Variants in ATAD2B observed in about 807,000 individuals in gnomAD.
ATAD2B encodes ATPase family AAA domain containing 2B, also known as ATPase family AAA domain-containing protein 2B.
ATAD2B carries 40 observed loss-of-function variants against 167.6 expected under a neutral mutation model. That is an observed-to-expected ratio of 0.24 (90% CI 0.19 to 0.31). The LOEUF is 0.31. Among genes scored for constraint, ATAD2B ranks in the 10% least tolerant of loss-of-function variants. The pLI is 1.00. For missense variants in ATAD2B, 1,242 were observed against 1,757.2 expected (o/e 0.71, Z 5.24); for synonymous variants, 579 against 596.5 (o/e 0.97, Z 0.43).
chr2:23,819,652 A>G, intron 17 of ATAD2B, 95 bp downstream of exon 17: 1 of 977,194 alleles, frequency 1.0e-6, no homozygotes, highest in Admixed American at 3.5e-5. Flanking sequence ...CAATATCCTC[A>G]CAGTTATAAC....
At chr2:23,922,570 G>A (rs890896142) in intron 1 of ATAD2B, among the ~76,000 whole-genome samples, 1 of 151,988 alleles carries the variant, frequency 6.6e-6, no homozygotes. Context: ...TATCTGATAA[G>A]CAGTTAATTT....
At chr2:23,797,560 A>G (rs1237299144) in intron 19 of ATAD2B, among the ~76,000 whole-genome samples, 1 of 152,142 alleles carries the variant, frequency 6.6e-6, no homozygotes, top group East Asian at 1.9e-4. Flanking sequence ...TAGAAAGCTG[A>G]GTATCCCTTT....
At chr2:23,833,793 ATTAGC>A in intron 14 of ATAD2B, 121 bp downstream of exon 14, 2 of 737,914 alleles carry the variant, frequency 2.7e-6, no homozygotes, top group Non-Finnish European at 4.2e-6. Flanking sequence ...TTTTTAAAGC[ATTAGC>A]TAAGATATCC....
At chr2:23,809,175 G>C (rs566399147) in intron 18 of ATAD2B, 1 of 151,968 alleles carries the variant, frequency 6.6e-6, no homozygotes, top group Non-Finnish European at 1.5e-5. Flanking sequence ...CAGTAATTTT[G>C]TCTAAAAAGA....
At chr2:23,859,041 T>C (rs1301524038) in intron 12 of ATAD2B, among the ~76,000 whole-genome samples, 2 of 152,108 alleles carry the variant, frequency 1.3e-5, no homozygotes, top group Non-Finnish European at 2.9e-5. Flanking sequence ...TATTTGCAAA[T>C]TGCCATCCAC....
chr2:23,785,914 T>C lies in ATAD2B; in HGVS notation c.2973+113A>G. ...TCACATGGATTAAAATTTTATAGGC[T>C]AGGGGTAATATTCATCCATGCCTTT... On this transcript the variant is annotated intron_variant, in intron 21 of 27. Transcript: ENST00000238789. 5 of 902,306 alleles carry C rather than the reference T, an allele frequency of 5.5e-6. No homozygotes were observed. The Admixed American group carries it at 1.5e-4, about 28-fold the overall frequency. 55.9% of individuals were successfully genotyped at this position (902,306 alleles called of 1,614,324 possible). A position where few individuals can be genotyped will look rare whatever the true frequency, so the allele number is the denominator to read the frequency against.
In ATAD2B at chr2:23,882,422, C is replaced by T. The variant is rs564059143; in HGVS notation, c.785-1667G>A. On this transcript the variant is annotated intron_variant, in intron 6 of 27. Coordinates refer to ENST00000238789, the MANE Select transcript of ATAD2B (RefSeq NM_017552.4). ...TGTTGGCCAGCCTGGCCTCAAACGC[C>T]TGATCTCAAGTGATCCACCCGCCTC... Among the ~76,000 whole-genome samples the T allele has an allele frequency of 1.1e-4, 16 of 149,848 alleles. No individual in the cohort carries two copies. In the South Asian group the frequency reaches 3.4e-3, roughly 32 times the overall value.
intron 13 of ATAD2B, among the ~76,000 whole-genome samples, chr2:23,851,691 G>C (rs1692597630): frequency 6.6e-6 from 1 of 152,122 alleles, no homozygotes; most frequent in African/African-American, 2.4e-5. Flanking sequence ...AACATATCAT[G>C]ATGTGGATCC....
chr2:23,925,869 C>G (rs1333710989), intron 1 of ATAD2B, among the ~76,000 whole-genome samples: 1 of 152,192 alleles, frequency 6.6e-6, no homozygotes, highest in African/African-American at 2.4e-5. Context: ...CCACTTGTTT[C>G]TTTCGACGTG....
At chr2:23,897,407 TTCC>T (rs1700281502) in intron 1 of ATAD2B, among the ~76,000 whole-genome samples, 1 of 152,158 alleles carries the variant, frequency 6.6e-6, no homozygotes, top group Admixed American at 6.5e-5. Flanking sequence ...CAATATCCTG[TTCC>T]TCATCAAATC....
chr2:23,740,465 A>G, the ATAD2B span, among the ~76,000 whole-genome samples: 28 of 152,008 alleles, frequency 1.8e-4, 1 homozygote, highest in Admixed American at 2.0e-4. Flanking sequence ...TGATTATCTC[A>G]ATAGATGCAG....
chr2:23,804,756 C>T (rs1459392737), intron 18 of ATAD2B, among the ~76,000 whole-genome samples: 1 of 150,788 alleles, frequency 6.6e-6, no homozygotes, highest in Admixed American at 6.6e-5. Context: ...ACTTAAATAA[C>T]ATTAAACCAG....
intron 1 of ATAD2B, among the ~76,000 whole-genome samples, chr2:23,908,200 G>C (rs1349960769): frequency 6.6e-6 from 1 of 151,986 alleles, no homozygotes; most frequent in Non-Finnish European, 1.5e-5. Context: ...AGAGTGAACA[G>C]GCAACCTACA....
chr2:23,722,249 C>T, the ATAD2B span, among the ~76,000 whole-genome samples: 6 of 151,960 alleles, frequency 3.9e-5, no homozygotes, highest in Non-Finnish European at 2.9e-5. Flanking sequence ...GGAACAGATC[C>T]CAATTATAAG....
At chr2:23,694,599 T>C in the ATAD2B span, among the ~76,000 whole-genome samples, 29 of 152,056 alleles carry the variant, frequency 1.9e-4, no homozygotes, top group Non-Finnish European at 2.9e-5. Context: ...CCCCAGCCTC[T>C]CTCCTCTCAC....
At chr2:23,718,731 C>T in the ATAD2B span, among the ~76,000 whole-genome samples, 1 of 152,328 alleles carries the variant, frequency 6.6e-6, no homozygotes, top group East Asian at 1.9e-4. Context: ...GGAGCTAAAA[C>T]CAAGGTGTTG....
In ATAD2B at chr2:23,909,459, C is replaced by T. The variant is rs183088216; in HGVS notation, c.217-13489G>A. On this transcript the variant is annotated intron_variant, in intron 1 of 27. Transcript: ENST00000238789. ...ACATACATATATATATATACACACACACACACATACATATATATATACATA... is the reference window on the plus strand; with the variant it reads ...ACATACATATATATATATACACACATACACACATACATATATATATACATA... 7.2e-3 allele frequency among the ~76,000 whole-genome samples: 1,089 copies of T among 151,730 alleles called. 10 individuals carry two copies. Among genetic ancestry groups the T allele is most frequent in the African/African-American group, 0.025 (1,050 of 41,380 alleles).
the ATAD2B span, among the ~76,000 whole-genome samples, chr2:23,678,513 A>G: frequency 1.3e-5 from 2 of 152,210 alleles, no homozygotes; most frequent in African/African-American, 2.4e-5. Flanking sequence ...GTCCCAGATG[A>G]GACATTTAGA....
chr2:23,866,789 A>G lies in ATAD2B; in HGVS notation c.1188+1046T>C, dbSNP rs531950831. On this transcript the variant is annotated intron_variant, in intron 10 of 27. Coordinates refer to ENST00000238789, the MANE Select transcript of ATAD2B (RefSeq NM_017552.4). ...AATTCTATTTGATAACTTATTTTAA[A>G]TCTCTCTATGGAAATCACTTAAATT... is the stretch of plus-strand genomic sequence containing the variant. Among the ~76,000 whole-genome samples the G allele has an allele frequency of 2.1e-3, 320 of 152,344 alleles. 1 individual carries two copies. The highest frequency in any genetic ancestry group is 3.2e-3 in the Non-Finnish European group (218 of 68,032).
Sources: allele counts gnomAD v4.1 joint callset (sites outside exome capture counted in the v4.1 genomes callset), GRCh38; gene constraint gnomAD v4.1.1; transcripts MANE v1.5; gene names NCBI Gene and HGNC (gene_info 2026-07-23, HGNC 2026-07-21).